Variants in GJB7 observed in about 807,000 individuals in gnomAD.
The protein encoded by GJB7 is gap junction protein beta 7.
For missense variants in GJB7, 253 were observed against 256.8 expected (o/e 0.99, Z 0.10); for synonymous variants, 87 against 95.2 (o/e 0.91, Z 0.50).
At chr6:87,314,262 A>G (rs1252681595) in intron 2 of GJB7, among the ~76,000 whole-genome samples, 1 of 152,190 alleles carries the variant, frequency 6.6e-6, no homozygotes, top group East Asian at 1.9e-4. Context: ...TTAGGACCTT[A>G]GCCCTCCCTA....
rs1776024540 is a variant in GJB7 at position 87,284,525 on chromosome 6, C to T, written c.388G>A (p.Val130Ile). Residue 130 changes from valine (V) to isoleucine (I), a missense_variant, in exon 3 of 3, where the codon GTT becomes ATT. Physicochemically the swap from Val to Ile is conservative, Grantham distance 29. Coordinates refer to ENST00000525899, the MANE Select transcript of GJB7 (RefSeq NM_198568.3). ...LWYAYLISLI[V>I]KTGFEIGFLV... ...AAGCCAATTTCAAAACCAGTTTTAA[C>T]AATGAGGCTGATAAGATAAGCGTAC... 2 of 1,614,114 alleles carry T rather than the reference C, an allele frequency of 1.2e-6. No individual in the cohort carries two copies. Among genetic ancestry groups the T allele is most frequent in the East Asian group, 2.2e-5 (1 of 44,880 alleles).
intron 2 of GJB7, among the ~76,000 whole-genome samples, chr6:87,285,986 T>C (rs1776052952): frequency 6.6e-6 from 1 of 152,206 alleles, no homozygotes; most frequent in African/African-American, 2.4e-5. Flanking sequence ...TCCTGAAACT[T>C]CTTCAGACTT....
rs1362559744 is a variant in GJB7 at position 87,325,503 on chromosome 6, G to A, written c.-205-2460C>T. Among the ~76,000 whole-genome samples, 56 of 146,124 alleles carry A rather than the reference G, an allele frequency of 3.8e-4. 1 individual carries two copies. The highest frequency in any genetic ancestry group is 2.1e-4 in the Non-Finnish European group (14 of 66,782). Reference sequence around the variant, plus strand: ...GGTTATTGAATTTTGTCAAAGGCCTGTCTGCATCTATTGAGATAATCATGT... The same window carrying A: ...GGTTATTGAATTTTGTCAAAGGCCTATCTGCATCTATTGAGATAATCATGT... On this transcript the variant is annotated intron_variant, in intron 1 of 2. Coordinates refer to ENST00000525899, the MANE Select transcript of GJB7 (RefSeq NM_198568.3).
intron 2 of GJB7, among the ~76,000 whole-genome samples, chr6:87,318,591 G>T (rs1457577355): frequency 6.6e-6 from 1 of 151,998 alleles, no homozygotes; most frequent in Non-Finnish European, 1.5e-5. Context: ...ACCAGTTCAG[G>T]TGTTTTTCCA....
chr6:87,299,154 A>G, intron 2 of GJB7: 2 of 464,518 alleles, frequency 4.3e-6, no homozygotes, highest in Non-Finnish European at 8.6e-6. Context: ...AAGATTAGCA[A>G]AAGTGCTAAT....
chr6:87,319,350 T>C (rs1776625541), intron 2 of GJB7, among the ~76,000 whole-genome samples: 5 of 152,252 alleles, frequency 3.3e-5, no homozygotes, highest in Admixed American at 2.6e-4. Context: ...TTCTCTGTTA[T>C]CTTTACCTAC....
chr6:87,297,002 T>C (rs957944776), intron 2 of GJB7, among the ~76,000 whole-genome samples: 2 of 152,230 alleles, frequency 1.3e-5, no homozygotes, highest in Non-Finnish European at 2.9e-5. Context: ...GCCTGGGCAG[T>C]ATGTTCTCAT....
intron 2 of GJB7, chr6:87,299,014 A>G (rs1454440426): frequency 1.4e-5 from 7 of 491,162 alleles, no homozygotes; most frequent in South Asian, 6.0e-5. Context: ...CAATTGATGT[A>G]AAGGATAAAC....
chr6:87,294,916 T>C (rs1475598507), intron 2 of GJB7, among the ~76,000 whole-genome samples: 2 of 152,244 alleles, frequency 1.3e-5, no homozygotes, highest in Non-Finnish European at 2.9e-5. Context: ...CCTGGACTTA[T>C]TTCTTACTTA....
intron 2 of GJB7, chr6:87,298,799 G>C (rs1181908325): frequency 1.0e-5 from 3 of 288,898 alleles, no homozygotes; most frequent in Non-Finnish European, 2.2e-5. Context: ...AGTCTTGCCA[G>C]ATGAGACCGG....
intron 1 of GJB7, among the ~76,000 whole-genome samples, chr6:87,328,450 T>C (rs534006098): frequency 1.1e-4 from 16 of 152,082 alleles, no homozygotes; most frequent in Non-Finnish European, 2.1e-4. Context: ...TCCTTTCTGT[T>C]TGTTAGTTTT....
intron 2 of GJB7, chr6:87,299,162 A>C (rs1776285939): frequency 2.2e-6 from 1 of 458,832 alleles, no homozygotes; most frequent in Non-Finnish European, 4.4e-6. Flanking sequence ...CAAAAGTGCT[A>C]ATCCTGTGGA....
chr6:87,300,260 G>T, intron 2 of GJB7: 1 of 189,300 alleles, frequency 5.3e-6, no homozygotes. Context: ...TAAGAAGTTG[G>T]TGATGATGCT....
At chr6:87,313,815 T>C (rs1192016719) in intron 2 of GJB7, among the ~76,000 whole-genome samples, 1 of 152,190 alleles carries the variant, frequency 6.6e-6, no homozygotes, top group African/African-American at 2.4e-5. Flanking sequence ...TCAGAACTTT[T>C]TAAAAACGGA....
intron 2 of GJB7, among the ~76,000 whole-genome samples, chr6:87,295,886 AAAG>A (rs1239765491): frequency 2.6e-5 from 4 of 152,186 alleles, no homozygotes; most frequent in Non-Finnish European, 4.4e-5. Context: ...TTTTCCTAAG[AAAG>A]AAGAACTCAC....
intron 1 of GJB7, among the ~76,000 whole-genome samples, chr6:87,324,566 G>T (rs1280193511): frequency 6.6e-6 from 1 of 151,018 alleles, no homozygotes; most frequent in Non-Finnish European, 1.5e-5. Flanking sequence ...GTTTGTCAAA[G>T]ATCAGATAGT....
chr6:87,293,624 C>T (rs1345949017), intron 2 of GJB7, among the ~76,000 whole-genome samples: 1 of 152,154 alleles, frequency 6.6e-6, no homozygotes, highest in Non-Finnish European at 1.5e-5. Context: ...AGACTTTATC[C>T]ATGACCTTAA....
At chr6:87,327,875 G>A (rs375984526) in intron 1 of GJB7, among the ~76,000 whole-genome samples, 282 of 148,626 alleles carry the variant, frequency 1.9e-3, no homozygotes, top group African/African-American at 6.4e-3. Context: ...CATTCTCCCC[G>A]TCACTTTCAG....
At chr6:87,315,528 A>T (rs1399969328) in intron 2 of GJB7, among the ~76,000 whole-genome samples, 2 of 152,180 alleles carry the variant, frequency 1.3e-5, no homozygotes, top group Non-Finnish European at 2.9e-5. Context: ...ACGGTGGCTC[A>T]CACCTGTAAT....
Sources: gnomAD v4.1 joint callset for allele counts (sites outside exome capture counted in the v4.1 genomes callset) on GRCh38, gnomAD v4.1.1 for gene constraint, MANE v1.5 for transcripts, NCBI Gene and HGNC (gene_info 2026-07-23, HGNC 2026-07-21) for gene names.